Variants in FHIP2A observed in about 807,000 individuals in gnomAD.
FHIP2A encodes FHF complex subunit HOOK interacting protein 2A, also known as family with sequence similarity 160 member B1.
In FHIP2A, 46 loss-of-function variants were observed where a neutral mutation model predicts 93.5. The ratio of observed to expected loss-of-function variants is 0.49; its 90% CI spans 0.39 to 0.63. The LOEUF is 0.63. Ranked by LOEUF, FHIP2A falls within the 20% of genes least tolerant of loss-of-function variation. The probability of loss-of-function intolerance (pLI) is 0.00; values close to 1 mark genes in which losing one functional copy is unlikely to be tolerated. For missense variants in FHIP2A, 769 were observed against 909.7 expected (o/e 0.85, Z 1.99); for synonymous variants, 332 against 326.5 (o/e 1.02, Z -0.18).
rs374227799 is a variant in FHIP2A at position 114,843,782 on chromosome 10, G to A, written c.858G>A (p.Leu286=). ...TGAAGGCATGTGAAGGCTTGATGCTGTTAGTAAGTTTGCCAGAGCCTGCGG... is the reference window on the plus strand; with the variant it reads ...TGAAGGCATGTGAAGGCTTGATGCTATTAGTAAGTTTGCCAGAGCCTGCGG... ...IAVKACEGLM[L]LVSLPEPAAA... Residue 286 remains leucine (L), a synonymous_variant, in exon 7 of 17, where the codon CTG becomes CTA. Coordinates refer to ENST00000369248, the MANE Select transcript of FHIP2A (RefSeq NM_020940.4). 35 of 1,582,206 alleles carry A rather than the reference G, an allele frequency of 2.2e-5. No homozygotes were observed. Among genetic ancestry groups the A allele is most frequent in the Non-Finnish European group, 2.9e-5 (34 of 1,170,814 alleles).
intron 14 of FHIP2A, among the ~76,000 whole-genome samples, chr10:114,859,982 G>T (rs377190118): frequency 1.3e-5 from 2 of 152,100 alleles, no homozygotes; most frequent in Admixed American, 1.3e-4. Context: ...GTGTTTTTGG[G>T]AATTGGCAGT....
intron 7 of FHIP2A, among the ~76,000 whole-genome samples, chr10:114,844,808 G>A (rs544571026): frequency 4.6e-5 from 7 of 152,060 alleles, no homozygotes; most frequent in East Asian, 3.9e-4. Context: ...TCTTTGAGAC[G>A]GAGTCTTGCT....
At chr10:114,856,477 GT>G (rs1373944825) in intron 14 of FHIP2A, among the ~76,000 whole-genome samples, 1 of 151,990 alleles carries the variant, frequency 6.6e-6, no homozygotes, top group Non-Finnish European at 1.5e-5. Context: ...TTTGTTTTTT[GT>G]TTTTGTTTTT....
chr10:114,848,578 C>A (rs754682700), intron 12 of FHIP2A, 69 bp from the exon 13 acceptor site: 3 of 884,142 alleles, frequency 3.4e-6, no homozygotes, highest in Non-Finnish European at 5.5e-6. Context: ...GTCTTTTTCA[C>A]TTCTACTTTT....
At chr10:114,839,591 T>G (rs894102030) in intron 5 of FHIP2A, among the ~76,000 whole-genome samples, 9 of 152,068 alleles carry the variant, frequency 5.9e-5, no homozygotes, top group Non-Finnish European at 1.5e-5. Context: ...AGAAACAGTC[T>G]TTGCCGGCCG....
chr10:114,865,608 G>A (rs1356767814), downstream of FHIP2A, among the ~76,000 whole-genome samples: 1 of 152,100 alleles, frequency 6.6e-6, no homozygotes, highest in African/African-American at 2.4e-5. Flanking sequence ...CCCTTCAAAA[G>A]AAGCTACTTC....
Position 114,855,200 on chromosome 10 carries a change from C to T in FHIP2A, c.1807C>T (p.Arg603Ter). 4 of 1,609,804 alleles carry T rather than the reference C, an allele frequency of 2.5e-6. No homozygotes were observed. The highest frequency in any genetic ancestry group is 3.4e-6 in the Non-Finnish European group (4 of 1,178,204). The change falls in exon 14 of 17, where the codon CGA becomes TGA. Residue 603 changes from arginine (R) to a stop codon, truncating the protein, a stop_gained. Coordinates refer to ENST00000369248, the MANE Select transcript of FHIP2A (RefSeq NM_020940.4). LOFTEE classifies it high-confidence loss of function. ...TCACATGCTTTTTTCCCCCTAGTTC[C>T]GAGACTACTGTGCTATCTGCTTAAG... ...TYLRDAHRQF[R>*]DYCAICLRWE...
At chr10:114,846,391 T>A in intron 10 of FHIP2A, 24 bp downstream of exon 10, 1 of 1,590,774 alleles carries the variant, frequency 6.3e-7, no homozygotes, top group Non-Finnish European at 8.6e-7. Context: ...TGATTTAGAA[T>A]TGGACTTAGA....
chr10:114,851,033 C>G (rs1207829641), intron 13 of FHIP2A, among the ~76,000 whole-genome samples: 2 of 152,152 alleles, frequency 1.3e-5, no homozygotes, highest in Non-Finnish European at 2.9e-5. Context: ...CCTGCCTCAG[C>G]CTCCCGAGTA....
intron 16 of FHIP2A, among the ~76,000 whole-genome samples, chr10:114,897,308 G>A (rs570198974): frequency 1.2e-4 from 18 of 152,274 alleles, no homozygotes; most frequent in Middle Eastern, 3.4e-3. Context: ...AATGGAAACC[G>A]GACATAGCAG....
chr10:114,858,669 T>C (rs1227489504), intron 14 of FHIP2A, among the ~76,000 whole-genome samples: 2 of 152,076 alleles, frequency 1.3e-5, no homozygotes, highest in African/African-American at 4.8e-5. Context: ...TTAATGTGAA[T>C]TCATTGTTTA....
Position 114,862,256 on chromosome 10 carries a change from G to T in FHIP2A, c.*716G>T. ...GTGTGGGTCCCAGTTTATTTAAACT[G>T]TGTCGTTTTCGCAGCAGTGTTCAAT... On this transcript the variant is annotated 3_prime_UTR_variant, in exon 17 of 17. Coordinates refer to ENST00000369248, the MANE Select transcript of FHIP2A (RefSeq NM_020940.4). 1 of 986,474 alleles carries T rather than the reference G, an allele frequency of 1.0e-6. No homozygotes were observed. Among genetic ancestry groups the T allele is most frequent in the African/African-American group, 1.7e-5 (1 of 57,358 alleles). The allele number at this position is 986,474 out of a possible 1,614,324, so 61.1% of individuals were successfully genotyped here.
intron 13 of FHIP2A, among the ~76,000 whole-genome samples, chr10:114,854,239 T>C (rs1201557554): frequency 6.6e-6 from 1 of 151,614 alleles, no homozygotes; most frequent in African/African-American, 2.4e-5. Flanking sequence ...ATGCCTGTAA[T>C]CCCAGCACTT....
rs552389146 is a variant in FHIP2A at position 114,885,498 on chromosome 10, C to T, written c.2193-13992C>T. On this transcript the variant is annotated intron_variant, in intron 16 of 16. Transcript: ENST00000369250. Reference sequence around the variant, plus strand: ...TTTTTGCTCTGCAGTACCCAAGAGGCTCTGGACACTTAGTCAATATTAATT... The same window carrying T: ...TTTTTGCTCTGCAGTACCCAAGAGGTTCTGGACACTTAGTCAATATTAATT... 6.7e-4 allele frequency among the ~76,000 whole-genome samples: 102 copies of T among 151,962 alleles called. 3 individuals carry two copies. The South Asian group carries it at 0.021, about 31-fold the overall frequency.
chr10:114,889,323 T>C (rs1224927661), intron 16 of FHIP2A, among the ~76,000 whole-genome samples: 2 of 152,182 alleles, frequency 1.3e-5, no homozygotes, highest in Non-Finnish European at 2.9e-5. Flanking sequence ...TAATCCTTAG[T>C]AAAATACGCC....
intron 16 of FHIP2A, among the ~76,000 whole-genome samples, chr10:114,891,142 T>G (rs1159382936): frequency 6.6e-6 from 1 of 151,392 alleles, no homozygotes; most frequent in East Asian, 1.9e-4. Context: ...TGTAGTGAGC[T>G]ATGATCACAT....
chr10:114,842,835 C>G lies in FHIP2A; in HGVS notation c.523-98C>G, dbSNP rs1407662436. Reference sequence around the variant, plus strand: ...GACATAACATCTATTGCTACTTTGGCTAGGCATGTGGAATGTTATAGAAAA... The same window carrying G: ...GACATAACATCTATTGCTACTTTGGGTAGGCATGTGGAATGTTATAGAAAA... On this transcript the variant is annotated intron_variant, in intron 5 of 16. Coordinates refer to ENST00000369248, the MANE Select transcript of FHIP2A (RefSeq NM_020940.4). 4.1e-6 allele frequency: 3 copies of G among 736,298 alleles called. No homozygotes were observed. The Admixed American group carries it at 8.6e-5, about 21-fold the overall frequency. 45.6% of individuals were successfully genotyped at this position (736,298 alleles called of 1,614,324 possible).
intron 13 of FHIP2A, among the ~76,000 whole-genome samples, chr10:114,854,215 A>G (rs1017626802): frequency 1.3e-5 from 2 of 150,612 alleles, no homozygotes; most frequent in Non-Finnish European, 3.0e-5. Context: ...ATTCCTGGCC[A>G]GGTGTGGTGG....
intron 16 of FHIP2A, among the ~76,000 whole-genome samples, chr10:114,893,924 A>G (rs1015426761): frequency 2.0e-5 from 3 of 152,172 alleles, no homozygotes; most frequent in Admixed American, 2.0e-4. Flanking sequence ...GAGACAGGAG[A>G]AAATACACCA....
Sources: gnomAD v4.1 joint callset for allele counts (sites outside exome capture counted in the v4.1 genomes callset) on GRCh38, gnomAD v4.1.1 for gene constraint, MANE v1.5 for transcripts, NCBI Gene and HGNC (gene_info 2026-07-23, HGNC 2026-07-21) for gene names.